CLCN5: variants seen among roughly 807,000 people sequenced by gnomAD.
The protein encoded by CLCN5 is H(+)/Cl(-) exchange transporter 5.
CLCN5 carries 17 observed loss-of-function variants against 54.0 expected under a neutral mutation model. The observed-to-expected ratio is 0.31, with a 90% CI of 0.22 to 0.47. The LOEUF (loss-of-function observed/expected upper bound fraction) is 0.47, where lower values mean the gene tolerates loss of function less well. Among genes scored for constraint, CLCN5 ranks in the 20% least tolerant of loss-of-function variants. The pLI is 1.00. For missense variants in CLCN5, 448 were observed against 646.7 expected (o/e 0.69, Z 3.33); for synonymous variants, 222 against 233.0 (o/e 0.95, Z 0.43).
At chrX:49,958,857 C>G (rs1279876335) in intron 3 of CLCN5, among the ~76,000 whole-genome samples, 1 of 111,731 alleles carries the variant, frequency 9.0e-6, no homozygotes, top group Non-Finnish European at 1.9e-5. Flanking sequence ...ATAGAAATAG[C>G]AACTGAGTCA....
In CLCN5 at chrX:50,042,441, C is replaced by T. The variant is rs375788993; in HGVS notation, c.142C>T (p.Pro48Ser). The change falls in exon 4 of 15, where the codon CCC becomes TCC. Residue 48 changes from proline to serine, a missense_variant. Around this residue, in one of 5 missense-constraint regions of CLCN5, gnomAD observed 69 missense variants for 60.9 expected, o/e 1.13. Transcript: ENST00000376091. ...TTTCTCCATGAGAGATGATGTTCCTCCCTTAGACCGAGAAGTAGGAGGTAT... is the reference window on the plus strand; with the variant it reads ...TTTCTCCATGAGAGATGATGTTCCTTCCTTAGACCGAGAAGTAGGAGGTAT... The part of the protein sequence containing the change: ...MDFSMRDDVP[P>S]LDREVGEDKS... 4 of 1,087,082 alleles carry T rather than the reference C, an allele frequency of 3.7e-6. No homozygotes were observed. In the African/African-American group the frequency reaches 7.5e-5, roughly 20 times the overall value. 89.6% of individuals were successfully genotyped at this position (1,087,082 alleles called of 1,213,427 possible).
intron 13 of CLCN5, 77 bp from the exon 14 acceptor site, chrX:50,090,593 G>T (rs2147606763): frequency 1.7e-6 from 2 of 1,155,358 alleles, no homozygotes; most frequent in Non-Finnish European, 2.3e-6. Flanking sequence ...AGACAGGGAA[G>T]GGGGGACTGG....
chrX:50,033,523 A>G (rs1219865117), intron 3 of CLCN5, among the ~76,000 whole-genome samples: 1 of 111,876 alleles, frequency 8.9e-6, no homozygotes, highest in Non-Finnish European at 1.9e-5. Context: ...AAAAGAGGAT[A>G]CAAAGAAACG....
intron 3 of CLCN5, among the ~76,000 whole-genome samples, chrX:50,007,445 C>G (rs1930253489): frequency 4.2e-4 from 42 of 99,749 alleles, no homozygotes; most frequent in Non-Finnish European, 5.9e-4. Context: ...CTCTGTCACA[C>G]ACACACACAC....
chrX:50,030,145 C>A (rs1931622983), intron 3 of CLCN5, among the ~76,000 whole-genome samples: 1 of 111,720 alleles, frequency 9.0e-6, no homozygotes, highest in Non-Finnish European at 1.9e-5. Flanking sequence ...AAAGATGCCA[C>A]GGGGACTTTA....
chrX:50,037,136 C>T (rs1252291782), intron 3 of CLCN5, among the ~76,000 whole-genome samples: 1 of 111,729 alleles, frequency 9.0e-6, no homozygotes. Flanking sequence ...TTTCCCTTGT[C>T]CTGCTATTAA....
intron 3 of CLCN5, among the ~76,000 whole-genome samples, chrX:49,966,612 AT>A (rs1183495910): frequency 0.03 from 565 of 19,002 alleles, 9 homozygotes; most frequent in South Asian, 0.059. Context: ...TTTTTTTTTT[AT>A]TTTTTTATTT....
chrX:50,095,378 C>T lies in CLCN5; in HGVS notation c.*3159C>T, dbSNP rs939725049. ...ATGGCAACTTTAAAGATCATTTCTA[C>T]GTGGATGTTTGGTTAGAAACATATT... On this transcript the variant is annotated 3_prime_UTR_variant, in exon 15 of 15. Coordinates refer to ENST00000376091, the MANE Select transcript of CLCN5 (RefSeq NM_001127898.4). The T allele has an allele frequency of 8.9e-6, 1 of 112,460 alleles. No individual in the cohort carries two copies. Among genetic ancestry groups the T allele is most frequent in the African/African-American group, 3.2e-5 (1 of 30,976 alleles). 9.3% of individuals were successfully genotyped at this position (112,460 alleles called of 1,213,427 possible).
chrX:49,992,074 G>A (rs1929288240), intron 3 of CLCN5, among the ~76,000 whole-genome samples: 2 of 110,999 alleles, frequency 1.8e-5, no homozygotes, highest in Non-Finnish European at 3.8e-5. Context: ...AGCTTTCCAG[G>A]TGTTTTGAAT....
chrX:50,005,217 G>T, intron 3 of CLCN5, among the ~76,000 whole-genome samples: 1 of 111,524 alleles, frequency 9.0e-6, no homozygotes, highest in African/African-American at 3.3e-5. Context: ...TGTATTTCCT[G>T]TAAACTGATA....
intron 3 of CLCN5, among the ~76,000 whole-genome samples, chrX:50,021,217 A>G (rs1602058766): frequency 1.0e-5 from 1 of 100,138 alleles, no homozygotes; most frequent in African/African-American, 4.7e-5. Flanking sequence ...TTGGATTCCT[A>G]TTTTATTCTC....
At chrX:50,048,268 C>T in intron 4 of CLCN5, among the ~76,000 whole-genome samples, 1 of 112,590 alleles carries the variant, frequency 8.9e-6, no homozygotes, top group Middle Eastern at 4.6e-3. Flanking sequence ...GGAGGTGGAG[C>T]TCAGGCTGTA....
chrX:50,080,526 T>C (rs1218573201), intron 7 of CLCN5, 68 bp from the exon 8 acceptor site: 276 of 906,932 alleles, frequency 3.0e-4, no homozygotes, highest in Non-Finnish European at 4.0e-4. Context: ...AAAACATTAC[T>C]CAGAAGAGCT....
chrX:50,028,108 C>T (rs1931512723), intron 3 of CLCN5, among the ~76,000 whole-genome samples: 1 of 111,601 alleles, frequency 9.0e-6, no homozygotes, highest in Non-Finnish European at 1.9e-5. Context: ...GAGCCTGTGC[C>T]CTCAGTTATG....
At chrX:50,041,950 T>G (rs1932231294) in intron 3 of CLCN5, among the ~76,000 whole-genome samples, 2 of 112,451 alleles carry the variant, frequency 1.8e-5, no homozygotes, top group South Asian at 7.4e-4. Context: ...GATGAAGTGC[T>G]GATACATGCT....
rs1433099524 is a variant in CLCN5, at chrX:49,923,502, A to T, written c.-129+20A>T. 1 of 112,459 alleles carries T rather than the reference A, an allele frequency of 8.9e-6. No individual in the cohort carries two copies. Among genetic ancestry groups the T allele is most frequent in the Non-Finnish European group, 1.9e-5 (1 of 53,282 alleles). 9.3% of individuals were successfully genotyped at this position (112,459 alleles called of 1,213,427 possible). A position where few individuals can be genotyped will look rare whatever the true frequency, so the allele number is the denominator to read the frequency against. On this transcript the variant is annotated intron_variant, in intron 2 of 14. Transcript: ENST00000376091. ...CCCCGAGTAAGTGAGGGAAATCTAG[A>T]AGTTTGGAGCATAAAAAACCAGCAC...
chrX:50,031,773 G>T lies in CLCN5; in HGVS notation c.17-10543G>T, dbSNP rs188084868. ...TAGGGTACATGTGCACAATGTGCAG[G>T]TTAGTTACATATGTATACATGTGCC... On this transcript the variant is annotated intron_variant, in intron 3 of 14. Coordinates refer to ENST00000376091, the MANE Select transcript of CLCN5 (RefSeq NM_001127898.4). Among the ~76,000 whole-genome samples the T allele has an allele frequency of 7.0e-3, 758 of 107,566 alleles. 5 individuals carry two copies. The highest frequency in any genetic ancestry group is 0.011 in the Non-Finnish European group (588 of 51,816). 93.4% of individuals were successfully genotyped at this position (107,566 alleles called of 115,157 possible).
chrX:50,065,725 C>T (rs1211522525), intron 4 of CLCN5, among the ~76,000 whole-genome samples: 10 of 106,069 alleles, frequency 9.4e-5, no homozygotes, highest in Non-Finnish European at 1.2e-4. Context: ...ATGTTCATTG[C>T]GGCATTATTC....
intron 4 of CLCN5, among the ~76,000 whole-genome samples, chrX:50,057,646 A>G (rs1176133372): frequency 6.4e-5 from 5 of 77,567 alleles, no homozygotes; most frequent in African/African-American, 2.4e-4. Context: ...TCCTGGATAG[A>G]TACTATCCAG....
Sources: allele counts gnomAD v4.1 joint callset (sites outside exome capture counted in the v4.1 genomes callset), GRCh38; gene constraint gnomAD v4.1.1; regional missense constraint gnomAD v4.1.1; transcripts MANE v1.5; gene names NCBI Gene and HGNC (gene_info 2026-07-23, HGNC 2026-07-21).